Variants in SLC35F5 observed in about 807,000 individuals in gnomAD.
SLC35F5 encodes HCV NS5A-transactivated protein 3.
Under a neutral mutation model 68.6 loss-of-function variants are expected in SLC35F5, and 54 were observed. The ratio of observed to expected loss-of-function variants is 0.79; its 90% CI spans 0.63 to 0.99. The LOEUF is 0.99. Ranked by LOEUF, SLC35F5 falls within the 50% of genes least tolerant of loss-of-function variation. The probability of loss-of-function intolerance (pLI) is 0.00; values close to 1 mark genes in which losing one functional copy is unlikely to be tolerated. For missense variants in SLC35F5, 567 were observed against 626.9 expected (o/e 0.90, Z 1.02); for synonymous variants, 211 against 205.2 (o/e 1.03, Z -0.24).
At chr2:113,724,416 A>G (rs1437146063) in intron 12 of SLC35F5, among the ~76,000 whole-genome samples, 3 of 152,230 alleles carry the variant, frequency 2.0e-5, no homozygotes, top group Admixed American at 2.0e-4. Context: ...GAGCAAATGG[A>G]TTATGATTTT....
At chr2:113,745,768 T>C (rs1200199061) in intron 5 of SLC35F5, among the ~76,000 whole-genome samples, 1 of 152,180 alleles carries the variant, frequency 6.6e-6, no homozygotes, top group Non-Finnish European at 1.5e-5. Context: ...AGATTACAAA[T>C]ACTTAAAATA....
intron 1 of SLC35F5, 146 bp downstream of exon 1, chr2:113,756,224 G>A (rs1481212722): frequency 1.3e-6 from 2 of 1,518,864 alleles, no homozygotes; most frequent in Non-Finnish European, 1.8e-6. Context: ...GCCCCTGTCA[G>A]CTCCCGCTCC....
rs1183507556 is a variant in SLC35F5 at position 113,716,393 on chromosome 2, C to T, written c.*23-1198G>A. Among the ~76,000 whole-genome samples the T allele has an allele frequency of 2.0e-5, 3 of 152,130 alleles. 1 individual carries two copies. Among genetic ancestry groups the T allele is most frequent in the South Asian group, 4.1e-4 (2 of 4,826 alleles). On this transcript the variant is annotated intron_variant, in intron 15 of 15. Transcript: ENST00000245680. ...TCTCTGGATAAGGGAAATACCAGGACGAATCCTACATAGCTCAGTCATAAG... is the reference window on the plus strand; with the variant it reads ...TCTCTGGATAAGGGAAATACCAGGATGAATCCTACATAGCTCAGTCATAAG...
Position 113,755,194 on chromosome 2 carries a change from TCA to T in SLC35F5, c.242_243del (p.Val81AspfsTer7). On this transcript the variant is annotated frameshift_variant, in exon 3 of 16. Coordinates refer to ENST00000245680, the MANE Select transcript of SLC35F5 (RefSeq NM_025181.5). LOFTEE classifies it high-confidence loss of function. Reference sequence around the variant, plus strand: ...GTAAGTTCAGAGGAAGCAACCCATATCACATCAACAAGCAGAAGAATAACAAT... The same window carrying T: ...GTAAGTTCAGAGGAAGCAACCCATATCATCAACAAGCAGAAGAATAACAAT... ...LGIVILLLVD[V>X]IWVASSELTS... The T allele has an allele frequency of 6.2e-7, 1 of 1,613,906 alleles. No homozygotes were observed. The highest frequency in any genetic ancestry group is 8.5e-7 in the Non-Finnish European group (1 of 1,180,000).
chr2:113,744,435 C>T (rs779146670), intron 5 of SLC35F5, among the ~76,000 whole-genome samples: 5 of 152,112 alleles, frequency 3.3e-5, no homozygotes, highest in Non-Finnish European at 5.9e-5. Context: ...ATATATTTCT[C>T]ATTAGTACTC....
At chr2:113,704,683 C>G (rs1295328631), downstream of SLC35F5, among the ~76,000 whole-genome samples, 1 of 151,818 alleles carries the variant, frequency 6.6e-6, no homozygotes, top group South Asian at 2.1e-4. Flanking sequence ...CCGGCAGGGC[C>G]TGCCGGCCGC....
rs914029226 is a variant in SLC35F5 at position 113,708,668 on chromosome 2, T to G, written c.*6550A>C. Among the ~76,000 whole-genome samples, 2 of 152,108 alleles carry G rather than the reference T, an allele frequency of 1.3e-5. No homozygotes were observed. Among genetic ancestry groups the G allele is most frequent in the Non-Finnish European group, 2.9e-5 (2 of 68,024 alleles). ...TTAGAGTGAGCCGAGATCGTGCCACTGCACTTCAGCCTGGGCAATGGAGTG... is the reference window on the plus strand; with the variant it reads ...TTAGAGTGAGCCGAGATCGTGCCACGGCACTTCAGCCTGGGCAATGGAGTG... On this transcript the variant is annotated 3_prime_UTR_variant, in exon 16 of 16. Coordinates refer to ENST00000245680, the MANE Select transcript of SLC35F5 (RefSeq NM_025181.5).
chr2:113,746,216 A>C (rs185517431), intron 5 of SLC35F5, 61 bp downstream of exon 5: 2 of 1,281,044 alleles, frequency 1.6e-6, no homozygotes, highest in Admixed American at 3.4e-5. Flanking sequence ...AACCTGTTTC[A>C]GTTTTTCCTA....
Position 113,711,447 on chromosome 2 carries a change from CACAT to C in SLC35F5, c.*3767_*3770del, listed in dbSNP as rs35875663. Among the ~76,000 whole-genome samples the C allele has an allele frequency of 6.2e-3, 944 of 152,134 alleles. 16 individuals are homozygous for C. Among genetic ancestry groups the C allele is most frequent in the African/African-American group, 0.022 (897 of 41,498 alleles). ...AAGATTTAAAGAAAAATTTCCTGTG[CACAT>C]ACAATGTACCTATGAAATACTGTAT... On this transcript the variant is annotated 3_prime_UTR_variant, in exon 16 of 16. Transcript: ENST00000245680.
intron 12 of SLC35F5, among the ~76,000 whole-genome samples, chr2:113,724,514 G>C (rs1300205576): frequency 6.6e-6 from 1 of 152,118 alleles, no homozygotes; most frequent in Non-Finnish European, 1.5e-5. Context: ...ACAAAAGAGA[G>C]TGATATGGGG....
At chr2:113,718,011 TTTTTTG>T (rs1216661376) in intron 14 of SLC35F5, among the ~76,000 whole-genome samples, 161 bp from the exon 15 acceptor site, 1 of 152,004 alleles carries the variant, frequency 6.6e-6, no homozygotes, top group Non-Finnish European at 1.5e-5. Context: ...CAAGTTAGCG[TTTTTTG>T]TTTTTGTTTT....
chr2:113,756,301 G>A, intron 1 of SLC35F5, 69 bp downstream of exon 1: 2 of 1,548,544 alleles, frequency 1.3e-6, no homozygotes, highest in South Asian at 2.4e-5. Flanking sequence ...GCAGGAGGTG[G>A]TGCTGCTGGT....
intron 3 of SLC35F5, among the ~76,000 whole-genome samples, chr2:113,754,190 C>T (rs1310661473): frequency 6.7e-6 from 1 of 150,244 alleles, no homozygotes; most frequent in Non-Finnish European, 1.5e-5. Flanking sequence ...TTCAGGGGGC[C>T]GGGGCAGGAG....
At position 113,711,369 on chromosome 2, in the gene SLC35F5, T is replaced by G. The variant is rs189500918; in HGVS notation, c.*3849A>C. On this transcript the variant is annotated 3_prime_UTR_variant, in exon 16 of 16. Coordinates refer to ENST00000245680, the MANE Select transcript of SLC35F5 (RefSeq NM_025181.5). ...AAAATTTTGTAGGAAAACACTATTT[T>G]TTAAATGTAGTAACATTAAAATATT... Among the ~76,000 whole-genome samples, 19 of 152,338 alleles carry G rather than the reference T, an allele frequency of 1.2e-4. No individual in the cohort carries two copies. The highest frequency in any genetic ancestry group is 7.8e-4 in the Admixed American group (12 of 15,296).
rs1359921210 is a variant in SLC35F5, at chr2:113,706,856, G to A, written c.*8362C>T. Among the ~76,000 whole-genome samples the A allele has an allele frequency of 5.3e-5, 8 of 152,204 alleles. No individual in the cohort carries two copies. The highest frequency in any genetic ancestry group is 4.6e-4 in the Admixed American group (7 of 15,292). ...AATATACAAATGATTTTACACAAAT[G>A]AAGCATTAAAAATCACAAATCTTAT... On this transcript the variant is annotated 3_prime_UTR_variant, in exon 16 of 16. Coordinates refer to ENST00000245680, the MANE Select transcript of SLC35F5 (RefSeq NM_025181.5).
At chr2:113,744,275 T>A (rs1246598876) in intron 5 of SLC35F5, among the ~76,000 whole-genome samples, 2 of 152,162 alleles carry the variant, frequency 1.3e-5, no homozygotes, top group African/African-American at 4.8e-5. Flanking sequence ...GATAACCAGG[T>A]ATATAGTATG....
At chr2:113,719,059 C>T (rs958480221) in intron 14 of SLC35F5, 95 bp downstream of exon 14, 352 of 1,134,480 alleles carry the variant, frequency 3.1e-4, no homozygotes, top group Non-Finnish European at 4.0e-4. Flanking sequence ...TTCAATAATT[C>T]CTCACAAAAT....
intron 7 of SLC35F5, among the ~76,000 whole-genome samples, chr2:113,737,696 A>G (rs962003413): frequency 2.6e-5 from 4 of 152,298 alleles, no homozygotes; most frequent in South Asian, 2.1e-4. Flanking sequence ...GAAGCATTCA[A>G]AGGTCCCAAG....
chr2:113,726,801 C>G (rs1430883892), intron 11 of SLC35F5, among the ~76,000 whole-genome samples: 2 of 152,206 alleles, frequency 1.3e-5, no homozygotes, highest in Non-Finnish European at 2.9e-5. Context: ...CTCCCCGCCT[C>G]AGTACCTGCA....
Sources: allele counts gnomAD v4.1 joint callset (sites outside exome capture counted in the v4.1 genomes callset), GRCh38; gene constraint gnomAD v4.1.1; transcripts MANE v1.5; gene names NCBI Gene and HGNC (gene_info 2026-07-23, HGNC 2026-07-21).